GALNT17: variants seen among roughly 807,000 people sequenced by gnomAD.
The protein encoded by GALNT17 is UDP-GalNAc:polypeptide N-acetylgalactosaminyltransferase-like 3.
In GALNT17, 29 loss-of-function variants were observed where a neutral mutation model predicts 63.7. That is an observed-to-expected ratio of 0.46 (90% CI 0.34 to 0.62). The LOEUF is 0.62. Ranked by LOEUF, GALNT17 falls within the 20% of genes least tolerant of loss-of-function variation. GALNT17 has a pLI of 0.01. For missense variants in GALNT17, 603 were observed against 799.6 expected (o/e 0.75, Z 2.97); for synonymous variants, 305 against 318.3 (o/e 0.96, Z 0.45).
At chr7:71,604,312 TATG>T (rs2116940880) in intron 6 of GALNT17, among the ~76,000 whole-genome samples, 1 of 152,272 alleles carries the variant, frequency 6.6e-6, no homozygotes, top group South Asian at 2.1e-4. Flanking sequence ...CACTGGATAC[TATG>T]ATAAGTGCAT....
At chr7:71,197,373 T>G (rs1789073531) in intron 1 of GALNT17, among the ~76,000 whole-genome samples, 1 of 151,198 alleles carries the variant, frequency 6.6e-6, no homozygotes, top group Non-Finnish European at 1.5e-5. Flanking sequence ...CTAATTTTTT[T>G]TTTTTTTTGC....
At chr7:71,656,882 G>A (rs926268776) in intron 6 of GALNT17, among the ~76,000 whole-genome samples, 1 of 152,174 alleles carries the variant, frequency 6.6e-6, no homozygotes, top group Non-Finnish European at 1.5e-5. Context: ...TTTCTGCTCC[G>A]GGCCACCTGC....
At chr7:71,345,208 AATT>A (rs1409933814) in intron 2 of GALNT17, among the ~76,000 whole-genome samples, 1 of 147,102 alleles carries the variant, frequency 6.8e-6, no homozygotes, top group Non-Finnish European at 1.5e-5. Flanking sequence ...GTGGCATAGT[AATT>A]ATCTGCTTTT....
intron 2 of GALNT17, among the ~76,000 whole-genome samples, chr7:71,361,647 A>C (rs1792403563): frequency 1.3e-5 from 2 of 152,286 alleles, no homozygotes; most frequent in Non-Finnish European, 2.9e-5. Flanking sequence ...TGGCAGAATA[A>C]AATAGCTGTG....
intron 6 of GALNT17, among the ~76,000 whole-genome samples, chr7:71,618,090 C>T (rs551242838): frequency 6.6e-6 from 1 of 152,272 alleles, no homozygotes; most frequent in East Asian, 1.9e-4. Context: ...TCTGTTTCTG[C>T]ATTAATTCAC....
At chr7:71,408,185 G>A (rs891370600) in intron 3 of GALNT17, among the ~76,000 whole-genome samples, 4 of 152,114 alleles carry the variant, frequency 2.6e-5, no homozygotes, top group Non-Finnish European at 4.4e-5. Context: ...CGAGAAAGGA[G>A]CCTCGGAACC....
chr7:71,242,191 C>T (rs946479508), intron 1 of GALNT17, among the ~76,000 whole-genome samples: 2 of 151,098 alleles, frequency 1.3e-5, no homozygotes, highest in Non-Finnish European at 2.9e-5. Flanking sequence ...GATCTGTCTC[C>T]AAAACCCAAA....
In GALNT17 at chr7:71,653,204, C is replaced by T. The variant is rs149164992; in HGVS notation, c.1081-12207C>T. Reference sequence around the variant, plus strand: ...CTAATTTTTGTATTTTTAGTAGAGACGGGGTTTTACCATGTTGGCCAGGTT... The same window carrying T: ...CTAATTTTTGTATTTTTAGTAGAGATGGGGTTTTACCATGTTGGCCAGGTT... On this transcript the variant is annotated intron_variant, in intron 6 of 10. Coordinates refer to ENST00000333538, the MANE Select transcript of GALNT17 (RefSeq NM_022479.3). 5.7e-3 allele frequency among the ~76,000 whole-genome samples: 860 copies of T among 151,666 alleles called. 5 individuals are homozygous for T. Among genetic ancestry groups the T allele is most frequent in the African/African-American group, 0.019 (771 of 41,354 alleles).
At chr7:71,521,818 G>C (rs1788535535) in intron 5 of GALNT17, among the ~76,000 whole-genome samples, 1 of 152,144 alleles carries the variant, frequency 6.6e-6, no homozygotes, top group Non-Finnish European at 1.5e-5. Flanking sequence ...TGACACATCC[G>C]AAACAGTAAC....
At chr7:71,236,445 A>T (rs1789892846) in intron 1 of GALNT17, among the ~76,000 whole-genome samples, 1 of 152,176 alleles carries the variant, frequency 6.6e-6, no homozygotes, top group Non-Finnish European at 1.5e-5. Context: ...GGACGGGCCT[A>T]GTCTCCTGCT....
chr7:71,554,380 T>C (rs369211796), intron 5 of GALNT17, among the ~76,000 whole-genome samples: 1 of 152,214 alleles, frequency 6.6e-6, no homozygotes, highest in East Asian at 1.9e-4. Context: ...CTCCTTTGCC[T>C]TTCGCCATGA....
At chr7:71,296,360 TC>T (rs1182670316) in intron 1 of GALNT17, among the ~76,000 whole-genome samples, 1 of 152,164 alleles carries the variant, frequency 6.6e-6, no homozygotes, top group South Asian at 2.1e-4. Flanking sequence ...ACGCCTGTAA[TC>T]CCAGCACTTT....
At chr7:71,470,997 G>A (rs995238284) in intron 5 of GALNT17, among the ~76,000 whole-genome samples, 5 of 152,036 alleles carry the variant, frequency 3.3e-5, no homozygotes, top group African/African-American at 9.7e-5. Flanking sequence ...CAAATGTGAC[G>A]GCAGCCCTGT....
intron 2 of GALNT17, among the ~76,000 whole-genome samples, chr7:71,362,827 CAGG>C (rs1408150730): frequency 6.6e-6 from 1 of 152,188 alleles, no homozygotes; most frequent in African/African-American, 2.4e-5. Flanking sequence ...AAGGGCGACT[CAGG>C]TCTTGACTGA....
At chr7:71,590,567 G>A (rs186457939) in intron 6 of GALNT17, among the ~76,000 whole-genome samples, 179 of 152,292 alleles carry the variant, frequency 1.2e-3, no homozygotes, top group Non-Finnish European at 1.9e-3. Flanking sequence ...TCTGGGGCAA[G>A]GCCCTAGGAG....
intron 5 of GALNT17, among the ~76,000 whole-genome samples, chr7:71,441,805 C>A (rs1407648710): frequency 3.3e-5 from 5 of 152,208 alleles, no homozygotes; most frequent in Admixed American, 3.3e-4. Context: ...CTGCAAAGGA[C>A]ATGAACTCAT....
intron 5 of GALNT17, among the ~76,000 whole-genome samples, chr7:71,564,278 C>CTTTTTTTTTTTTTT (rs10539122): frequency 5.1e-5 from 5 of 98,010 alleles, no homozygotes; most frequent in African/African-American, 7.7e-5. Flanking sequence ...CTTTTCTTTT[C>CTTTTTTTTTTTTTT]TTTTTTTTTT....
In GALNT17 at chr7:71,179,366, T is replaced by C. The variant is rs949336282; in HGVS notation, c.238+46326T>C. Among the ~76,000 whole-genome samples the C allele has an allele frequency of 2.6e-5, 4 of 152,144 alleles. 1 individual carries two copies. In the Middle Eastern group the frequency reaches 9.5e-3, roughly 361 times the overall value. On this transcript the variant is annotated intron_variant, in intron 1 of 10. Transcript: ENST00000333538. ...TACATATGTTGATTGATGTCTCATG[T>C]CTCCCTAAAATGTATAAAACCAAAC...
chr7:71,451,892 TTTTG>T (rs543295504), intron 5 of GALNT17, among the ~76,000 whole-genome samples: 15 of 152,296 alleles, frequency 9.8e-5, no homozygotes, highest in South Asian at 8.3e-4. Context: ...TTGTGGTTTT[TTTTG>T]TTTGTTTGTT....
Sources: gnomAD v4.1 joint callset for allele counts (sites outside exome capture counted in the v4.1 genomes callset) on GRCh38, gnomAD v4.1.1 for gene constraint, MANE v1.5 for transcripts, NCBI Gene and HGNC (gene_info 2026-07-23, HGNC 2026-07-21) for gene names.